The following C19orf18 variants were observed in gnomAD, a reference collection of about 807,000 sequenced individuals.
C19orf18 encodes the protein uncharacterized protein C19orf18.
A neutral mutation model predicts 23.3 loss-of-function variants in C19orf18; 21 were observed. The ratio of observed to expected loss-of-function variants is 0.90; its 90% CI spans 0.64 to 1.30. The LOEUF is 1.30. Among genes scored for constraint, C19orf18 ranks in the 50% most tolerant of loss-of-function variants. The pLI is 0.00. For synonymous variants in C19orf18, 96 were observed against 95.2 expected (o/e 1.01, Z -0.05); for missense variants, 249 against 259.6 (o/e 0.96, Z 0.28).
chr19:57,972,101 ACT>A (rs1300282447), intron 3 of C19orf18, among the ~76,000 whole-genome samples: 1 of 152,080 alleles, frequency 6.6e-6, no homozygotes, highest in East Asian at 1.9e-4. Context: ...GCTTTGGAGG[ACT>A]CTGAAGCGAG....
At chr19:57,972,787 T>A (rs187704590) in intron 2 of C19orf18, among the ~76,000 whole-genome samples, 1 of 152,274 alleles carries the variant, frequency 6.6e-6, no homozygotes, top group African/African-American at 2.4e-5. Context: ...GGTCTCCTTT[T>A]GCAGTCATAC....
chr19:57,968,152 T>G (rs2072920859), intron 3 of C19orf18, among the ~76,000 whole-genome samples: 1 of 152,264 alleles, frequency 6.6e-6, no homozygotes. Flanking sequence ...AGAGGGTGCC[T>G]TCTTTGTTGT....
At chr19:57,968,143 G>C (rs982507740) in intron 3 of C19orf18, among the ~76,000 whole-genome samples, 13 of 152,280 alleles carry the variant, frequency 8.5e-5, no homozygotes, top group African/African-American at 2.7e-4. Context: ...TGGTTCAACA[G>C]AGGGTGCCTT....
intron 3 of C19orf18, among the ~76,000 whole-genome samples, chr19:57,969,894 A>G (rs2072934198): frequency 6.6e-6 from 1 of 151,738 alleles, no homozygotes; most frequent in Non-Finnish European, 1.5e-5. Context: ...AAAAAAAAAA[A>G]AAGTAATAGC....
At chr19:57,964,472 C>T (rs868429800) in intron 4 of C19orf18, among the ~76,000 whole-genome samples, 1 of 152,016 alleles carries the variant, frequency 6.6e-6, no homozygotes, top group African/African-American at 2.4e-5. Context: ...TGTATAGACG[C>T]GGTTTCACCA....
intron 4 of C19orf18, among the ~76,000 whole-genome samples, chr19:57,962,400 C>T (rs900545069): frequency 2.6e-5 from 4 of 152,020 alleles, no homozygotes; most frequent in African/African-American, 9.7e-5. Context: ...CCGTGATGAA[C>T]AAAATAGGAC....
intron 5 of C19orf18, among the ~76,000 whole-genome samples, chr19:57,958,955 A>G (rs2072847191): frequency 6.6e-6 from 1 of 152,208 alleles, no homozygotes; most frequent in South Asian, 2.1e-4. Context: ...AGAATGTAGA[A>G]AATTTATAAT....
At chr19:57,963,952 T>A (rs1244955910) in intron 4 of C19orf18, among the ~76,000 whole-genome samples, 1 of 152,238 alleles carries the variant, frequency 6.6e-6, no homozygotes, top group Non-Finnish European at 1.5e-5. Context: ...ATTGTAATTT[T>A]ACTTTCCTGG....
Position 57,974,528 on chromosome 19 carries a change from T to C in C19orf18, c.-96A>G. 5 of 1,483,306 alleles carry C rather than the reference T, an allele frequency of 3.4e-6. No homozygotes were observed. The highest frequency in any genetic ancestry group is 4.6e-6 in the Non-Finnish European group (5 of 1,091,540). The allele number at this position is 1,483,306 out of a possible 1,614,324, so 91.9% of individuals were successfully genotyped here. A position where few individuals can be genotyped will look rare whatever the true frequency, so the allele number is the denominator to read the frequency against. On this transcript the variant is annotated 5_prime_UTR_variant, in exon 1 of 6. Coordinates refer to ENST00000314391, the MANE Select transcript of C19orf18 (RefSeq NM_152474.5). ...TCTATTTATCTGAGGAATCAAGAAG[T>C]TCTACTCCCTTCAGAATGTTTGGGC...
At chr19:57,968,569 G>A (rs1568568010) in intron 3 of C19orf18, among the ~76,000 whole-genome samples, 1 of 152,090 alleles carries the variant, frequency 6.6e-6, no homozygotes, top group Non-Finnish European at 1.5e-5. Flanking sequence ...GTCATTCTGG[G>A]AGAGCAAGGC....
At chr19:57,971,254 G>C (rs907812854) in intron 3 of C19orf18, among the ~76,000 whole-genome samples, 2 of 151,982 alleles carry the variant, frequency 1.3e-5, no homozygotes, top group Non-Finnish European at 2.9e-5. Flanking sequence ...ACCCTGGCCT[G>C]CAAGTGCACC....
chr19:57,972,163 A>C (rs943242376), intron 3 of C19orf18, among the ~76,000 whole-genome samples: 1 of 152,188 alleles, frequency 6.6e-6, no homozygotes, highest in African/African-American at 2.4e-5. Flanking sequence ...AGTTGCTAGA[A>C]AGGCTGCTGA....
In C19orf18 at chr19:57,973,145, C is replaced by CAA. The variant is rs61625681; in HGVS notation, c.227-643_227-642dup. Among the ~76,000 whole-genome samples the CAA allele has an allele frequency of 2.9e-4, 7 of 24,184 alleles. 1 individual carries two copies. The highest frequency in any genetic ancestry group is 3.0e-4 in the Non-Finnish European group (4 of 13,450). 15.9% of individuals were successfully genotyped at this position (24,184 alleles called of 152,430 possible). A position where few individuals can be genotyped will look rare whatever the true frequency, so the allele number is the denominator to read the frequency against. On this transcript the variant is annotated intron_variant, in intron 2 of 5. Transcript: ENST00000314391. ...TGGGTGACAGAGTGAGACTCCGTCT[C>CAA]AAAAAAAAAAAAAAAAAAAAAAAAA...
chr19:57,969,804 G>C (rs2072933455), intron 3 of C19orf18, among the ~76,000 whole-genome samples: 1 of 150,448 alleles, frequency 6.6e-6, no homozygotes, highest in South Asian at 2.1e-4. Context: ...TACTCAGGAG[G>C]CTGAGGCAGG....
At chr19:57,962,194 C>A (rs2072878124) in intron 4 of C19orf18, among the ~76,000 whole-genome samples, 1 of 151,858 alleles carries the variant, frequency 6.6e-6, no homozygotes, top group African/African-American at 2.4e-5. Flanking sequence ...CCATGCCCGG[C>A]TAATTATTTT....
chr19:57,969,158 A>G (rs531879889), intron 3 of C19orf18, among the ~76,000 whole-genome samples: 2 of 152,074 alleles, frequency 1.3e-5, no homozygotes, highest in Admixed American at 6.6e-5. Context: ...CCAGGAATCT[A>G]TAAGTATAAA....
chr19:57,965,651 G>A (rs2072902640), intron 4 of C19orf18, among the ~76,000 whole-genome samples: 1 of 152,144 alleles, frequency 6.6e-6, no homozygotes, highest in African/African-American at 2.4e-5. Flanking sequence ...GGGAGGCTGA[G>A]GCAGGAGAAT....
intron 4 of C19orf18, among the ~76,000 whole-genome samples, chr19:57,964,652 T>A (rs192689242): frequency 6.6e-6 from 1 of 152,314 alleles, no homozygotes; most frequent in East Asian, 1.9e-4. Context: ...TACGCTCTCA[T>A]TAGCAAAATT....
Position 57,974,460 on chromosome 19 carries a change from C to A in C19orf18, c.-28G>T, listed in dbSNP as rs7249794. ...CTCTCAAATTATCAGTATTTTATCC[C>A]GTAGATGAAAGGAAATACTTAGCTA... On this transcript the variant is annotated 5_prime_UTR_variant, in exon 1 of 6. Transcript: ENST00000314391. 1 of 1,601,140 alleles carries A rather than the reference C, an allele frequency of 6.2e-7. No homozygotes were observed. Among genetic ancestry groups the A allele is most frequent in the African/African-American group, 1.5e-5 (1 of 67,502 alleles).
Sources: allele counts gnomAD v4.1 joint callset (sites outside exome capture counted in the v4.1 genomes callset), GRCh38; gene constraint gnomAD v4.1.1; transcripts MANE v1.5; gene names NCBI Gene and HGNC (gene_info 2026-07-23, HGNC 2026-07-21).